The following NFASC variants were observed in gnomAD, a reference collection of about 807,000 sequenced individuals.
NFASC encodes neurofascin homolog.
A neutral mutation model predicts 147.5 loss-of-function variants in NFASC; 43 were observed. That is an observed-to-expected ratio of 0.29 (90% CI 0.23 to 0.38). The LOEUF is 0.38. Ranked by LOEUF, NFASC falls within the 10% of genes least tolerant of loss-of-function variation. NFASC has a pLI of 1.00. For missense variants in NFASC, 1,320 were observed against 1,689.0 expected (o/e 0.78, Z 3.83); for synonymous variants, 622 against 665.5 (o/e 0.93, Z 1.01).
At chr1:204,857,916 C>CTTTTTTTTTTTT (rs777663775) in intron 1 of NFASC, among the ~76,000 whole-genome samples, 4 of 133,672 alleles carry the variant, frequency 3.0e-5, no homozygotes, top group East Asian at 2.7e-4. Context: ...CCTTCTTCTT[C>CTTTTTTTTTTTT]TTCTTTTTTT....
Position 204,944,224 on chromosome 1 carries a change from A to T in NFASC, c.-90-2A>T. On this transcript the variant is annotated splice_acceptor_variant, in intron 2 of 29. Transcript: ENST00000339876. LOFTEE classifies it low-confidence loss of function (5UTR_SPLICE). Reference sequence around the variant, plus strand: ...CACTTGCTCTTATGTTTCTTTCCACAGCTGAGTGCTGTCCAGGAGGCCCAG... The same window carrying T: ...CACTTGCTCTTATGTTTCTTTCCACTGCTGAGTGCTGTCCAGGAGGCCCAG... The T allele has an allele frequency of 6.4e-7, 1 of 1,558,898 alleles. No homozygotes were observed. Among genetic ancestry groups the T allele is most frequent in the Non-Finnish European group, 8.7e-7 (1 of 1,153,606 alleles).
chr1:204,914,159 T>C (rs773948043), intron 1 of NFASC, among the ~76,000 whole-genome samples: 1 of 152,186 alleles, frequency 6.6e-6, no homozygotes, highest in Non-Finnish European at 1.5e-5. Context: ...TTCAAACTGA[T>C]AAGAATCAAC....
chr1:204,835,787 G>A (rs1352771883), intron 1 of NFASC, among the ~76,000 whole-genome samples: 2 of 152,090 alleles, frequency 1.3e-5, no homozygotes, highest in Non-Finnish European at 2.9e-5. Flanking sequence ...GCTTCTCTGA[G>A]CACGTACGAT....
intron 1 of NFASC, among the ~76,000 whole-genome samples, chr1:204,848,334 A>G (rs767428281): frequency 6.6e-6 from 1 of 152,142 alleles, no homozygotes; most frequent in Non-Finnish European, 1.5e-5. Context: ...CAGTTAAGTG[A>G]TCCTCTCACC....
rs187166085 is a variant in NFASC, at chr1:204,981,052, C to T, written c.2247+612C>T. Among the ~76,000 whole-genome samples the T allele has an allele frequency of 2.7e-3, 405 of 152,326 alleles. 2 individuals are homozygous for T. Among genetic ancestry groups the T allele is most frequent in the Admixed American group, 0.01 (155 of 15,300 alleles). ...CCACTTCCCAGTCTGAGAATGCAAACGCAGCCACTGAAATATTAACATTTC... is the reference window on the plus strand; with the variant it reads ...CCACTTCCCAGTCTGAGAATGCAAATGCAGCCACTGAAATATTAACATTTC... On this transcript the variant is annotated intron_variant, in intron 20 of 29. Transcript: ENST00000339876.
rs2096350921 is a variant in NFASC, at chr1:205,015,861, G to A, written c.3492-447G>A. 6.6e-6 allele frequency among the ~76,000 whole-genome samples: 1 copy of A among 152,116 alleles called. No individual in the cohort carries two copies. The highest frequency in any genetic ancestry group is 2.4e-5 in the African/African-American group (1 of 41,430). ...GTTTCCCTACAGAGTCACAGGTCTT[G>A]GGAGATCAAAGCTGGGCCAGCCCCT... On this transcript the variant is annotated intron_variant, in intron 29 of 29. Transcript: ENST00000339876. This position sits in a 1 kb window ranked among gnomAD's most constrained non-coding sequence, Gnocchi z 4.0.
At chr1:204,846,690 G>A (rs549738901) in intron 1 of NFASC, among the ~76,000 whole-genome samples, 10 of 152,042 alleles carry the variant, frequency 6.6e-5, no homozygotes, top group African/African-American at 2.2e-4. Flanking sequence ...GCACCCTCCC[G>A]GCTGTGGCAG....
At chr1:204,952,986 G>A (rs1052744866) in intron 5 of NFASC, among the ~76,000 whole-genome samples, 2 of 152,202 alleles carry the variant, frequency 1.3e-5, no homozygotes, top group African/African-American at 2.4e-5. Flanking sequence ...GGACTCTCTC[G>A]CTGGCCGTGG....
At chr1:204,854,584 A>G (rs1181009249) in intron 1 of NFASC, among the ~76,000 whole-genome samples, 1 of 152,180 alleles carries the variant, frequency 6.6e-6, no homozygotes, top group African/African-American at 2.4e-5. Context: ...CCTTGTGGGA[A>G]TGAACAACTC....
At chr1:204,871,103 C>G in intron 1 of NFASC, 1 of 1,289,572 alleles carries the variant, frequency 7.8e-7, no homozygotes, top group Non-Finnish European at 1.0e-6. Context: ...CCCTCTTGGC[C>G]TCTCATCCTC....
At chr1:204,857,200 A>G (rs6677723) in intron 1 of NFASC, among the ~76,000 whole-genome samples, 28,890 of 152,086 alleles carry the variant, frequency 0.19, 4,281 homozygotes, top group East Asian at 0.53. Flanking sequence ...TTGTCTTTTG[A>G]CTTGAAGATG....
chr1:204,925,884 G>A (rs1223013604), intron 2 of NFASC, among the ~76,000 whole-genome samples: 1 of 152,200 alleles, frequency 6.6e-6, no homozygotes, highest in Non-Finnish European at 1.5e-5. Flanking sequence ...AGGGAGCTTG[G>A]CAGGGCCCAG....
intron 1 of NFASC, among the ~76,000 whole-genome samples, chr1:204,893,704 C>T (rs961450096): frequency 1.1e-4 from 16 of 152,204 alleles, no homozygotes; most frequent in African/African-American, 3.9e-4. Context: ...CACTGTATTG[C>T]GCTAACTCAA....
At chr1:204,985,150 A>G (rs1394737740) in intron 21 of NFASC, among the ~76,000 whole-genome samples, 1 of 152,138 alleles carries the variant, frequency 6.6e-6, no homozygotes, top group Non-Finnish European at 1.5e-5. Context: ...CTACCTTGCC[A>G]CAGGCAGCCT....
At chr1:204,834,900 C>T (rs972638600) in intron 1 of NFASC, among the ~76,000 whole-genome samples, 2 of 152,084 alleles carry the variant, frequency 1.3e-5, no homozygotes, top group African/African-American at 4.8e-5. Flanking sequence ...CTGCCCCACC[C>T]AGCCCCTCGT....
chr1:204,954,488 A>G lies in NFASC; in HGVS notation c.412+104A>G, dbSNP rs1424363713. ...AGGGCTGCCCCTGCCCTTGGCCTGC[A>G]GTTGCCTTGGTGTTCTCTATGCATC... is the stretch of plus-strand genomic sequence containing the variant. On this transcript the variant is annotated intron_variant, in intron 6 of 29. Transcript: ENST00000339876. The surrounding 1 kb of genome is among the most constrained non-coding windows in gnomAD (Gnocchi z 5.7). The G allele has an allele frequency of 1.6e-5, 18 of 1,095,960 alleles. No homozygotes were observed. The highest frequency in any genetic ancestry group is 2.1e-5 in the Non-Finnish European group (16 of 767,400). 67.9% of individuals were successfully genotyped at this position (1,095,960 alleles called of 1,614,324 possible).
intron 8 of NFASC, among the ~76,000 whole-genome samples, chr1:204,962,534 G>A (rs535791381): frequency 1.3e-5 from 2 of 152,358 alleles, no homozygotes; most frequent in Non-Finnish European, 2.9e-5. Context: ...GAGAAAACAG[G>A]AAGTCTGGTT....
At chr1:204,920,798 T>G in intron 2 of NFASC, 58 bp downstream of exon 2, 70 of 736,202 alleles carry the variant, frequency 9.5e-5, no homozygotes, top group Non-Finnish European at 1.3e-4. Context: ...TGAGGGGACA[T>G]TCTCGCCTCC....
intron 25 of NFASC, 30 bp from the exon 26 acceptor site, chr1:205,001,140 C>A: frequency 7.4e-7 from 1 of 1,357,938 alleles, no homozygotes; most frequent in Non-Finnish European, 1.0e-6. Context: ...CCCTCCTCAT[C>A]ACTAACCCCT....
Sources: gnomAD v4.1 joint callset for allele counts (sites outside exome capture counted in the v4.1 genomes callset) on GRCh38, gnomAD v4.1.1 for gene constraint, Gnocchi (gnomAD v3.1) non-coding constraint, MANE v1.5 for transcripts, NCBI Gene and HGNC (gene_info 2026-07-23, HGNC 2026-07-21) for gene names.